Variants in TRPM7 observed in about 807,000 individuals in gnomAD.
TRPM7 encodes the protein transient receptor potential cation channel subfamily M member 7.
A neutral mutation model predicts 229.7 loss-of-function variants in TRPM7; 134 were observed. The ratio of observed to expected loss-of-function variants is 0.58; its 90% CI spans 0.51 to 0.67. The LOEUF (loss-of-function observed/expected upper bound fraction) is 0.67. TRPM7 is among the 30% of genes least tolerant of loss of function. The pLI, the probability that TRPM7 is intolerant of heterozygous loss-of-function variation, is 0.00. For missense variants in TRPM7, 1,901 were observed against 2,210.0 expected (o/e 0.86, Z 2.80); for synonymous variants, 699 against 715.2 (o/e 0.98, Z 0.36).
At chr15:50,607,087 A>T in intron 20 of TRPM7, 113 bp downstream of exon 20, 1 of 909,546 alleles carries the variant, frequency 1.1e-6, no homozygotes. Context: ...CTACACTTCT[A>T]CAATGTCATC....
intron 31 of TRPM7, 108 bp downstream of exon 31, chr15:50,578,531 T>C (rs922778949): frequency 9.0e-7 from 1 of 1,109,950 alleles, no homozygotes; most frequent in Non-Finnish European, 1.3e-6. Context: ...CCTTGGCTTT[T>C]TCTAGCTTGA....
rs2061168155 is a variant in TRPM7 at position 50,643,545 on chromosome 15, C to T, written c.330G>A (p.Arg110=). The change falls in exon 5 of 39, where the codon AGG becomes AGA. Residue 110 remains arginine, a synonymous_variant. Transcript: ENST00000646667. ...GSHSYRAKYV[R]LSYDTKPEVI... is the part of the protein sequence containing the mutation. ...CTTCAGGTTTGGTGTCATATGATAG[C>T]CTCACATACTAGAAAAAGATTTTAA... 6.2e-7 allele frequency: 1 copy of T among 1,612,668 alleles called. No individual in the cohort carries two copies.
At chr15:50,682,326 A>G (rs904796440) in intron 1 of TRPM7, among the ~76,000 whole-genome samples, 1 of 151,970 alleles carries the variant, frequency 6.6e-6, no homozygotes, top group African/African-American at 2.4e-5. Context: ...CTAAATACAC[A>G]GTCCCAGAAA....
At chr15:50,679,355 T>C (rs2140979500) in intron 1 of TRPM7, among the ~76,000 whole-genome samples, 1 of 149,540 alleles carries the variant, frequency 6.7e-6, no homozygotes, top group East Asian at 1.9e-4. Context: ...AACAGAAAAC[T>C]TGGACGCTTG....
intron 19 of TRPM7, 138 bp from the exon 20 acceptor site, chr15:50,607,466 A>T (rs1230154619): frequency 2.0e-5 from 14 of 687,552 alleles, no homozygotes; most frequent in Non-Finnish European, 3.3e-5. Context: ...TTATTAAAAC[A>T]ATTTTAGAAA....
chr15:50,567,974 G>C (rs1375718236), intron 38 of TRPM7, among the ~76,000 whole-genome samples: 4 of 151,750 alleles, frequency 2.6e-5, no homozygotes, highest in Non-Finnish European at 4.4e-5. Flanking sequence ...AGCTACTCGG[G>C]AGGCTGAGGC....
intron 3 of TRPM7, among the ~76,000 whole-genome samples, chr15:50,656,159 T>A (rs536171435): frequency 6.6e-6 from 1 of 151,580 alleles, no homozygotes; most frequent in South Asian, 2.1e-4. Context: ...AGCTGCACTA[T>A]ATGAAATGCT....
At chr15:50,625,910 G>T (rs12442787) in intron 11 of TRPM7, among the ~76,000 whole-genome samples, 53,156 of 150,656 alleles carry the variant, frequency 0.35, 10,494 homozygotes, top group Admixed American at 0.48. Context: ...TCATGGCATC[G>T]TACTATTTTA....
In TRPM7 at chr15:50,605,179, C is replaced by T. The variant is rs188644844; in HGVS notation, c.2710-35G>A. On this transcript the variant is annotated intron_variant, in intron 20 of 38. Coordinates refer to ENST00000646667, the MANE Select transcript of TRPM7 (RefSeq NM_017672.6). ...TAACAACAACAAAAAAAAGTGTAAT[C>T]AGTTTATTCCTATTAAAACACATAC... is the stretch of plus-strand genomic sequence containing the variant. 3,757 of 1,513,122 alleles carry T rather than the reference C, an allele frequency of 2.5e-3. 9 individuals carry two copies. Among genetic ancestry groups the T allele is most frequent in the Admixed American group, 3.4e-3 (159 of 46,390 alleles). 93.7% of individuals were successfully genotyped at this position (1,513,122 alleles called of 1,614,324 possible). A position where few individuals can be genotyped will look rare whatever the true frequency, so the allele number is the denominator to read the frequency against.
chr15:50,670,059 T>C, intron 1 of TRPM7, among the ~76,000 whole-genome samples: 1 of 152,304 alleles, frequency 6.6e-6, no homozygotes, highest in Middle Eastern at 3.4e-3. Context: ...GTCAGAACTC[T>C]GAGTTATGGA....
intron 25 of TRPM7, among the ~76,000 whole-genome samples, chr15:50,592,888 A>G (rs1290541933): frequency 6.6e-6 from 1 of 152,224 alleles, no homozygotes; most frequent in East Asian, 1.9e-4. Context: ...ACATCAAAGT[A>G]ACACAAAATA....
At chr15:50,591,114 C>T (rs1252249973) in intron 26 of TRPM7, among the ~76,000 whole-genome samples, 2 of 152,014 alleles carry the variant, frequency 1.3e-5, no homozygotes, top group South Asian at 2.1e-4. Flanking sequence ...TAAGTCATTC[C>T]TTTTTGAAAT....
intron 9 of TRPM7, among the ~76,000 whole-genome samples, chr15:50,632,181 T>C (rs1393359815): frequency 6.6e-6 from 1 of 151,864 alleles, no homozygotes; most frequent in East Asian, 1.9e-4. Context: ...CGTATGCCTG[T>C]AGTCGGGAGG....
At chr15:50,574,533 T>C in intron 35 of TRPM7, 54 bp from the exon 36 acceptor site, 1 of 1,563,052 alleles carries the variant, frequency 6.4e-7, no homozygotes, top group Non-Finnish European at 8.7e-7. Flanking sequence ...AAAATTCTAA[T>C]TGATCTACAA....
intron 1 of TRPM7, among the ~76,000 whole-genome samples, chr15:50,684,958 T>A (rs1337300762): frequency 1.3e-5 from 2 of 152,244 alleles, no homozygotes; most frequent in Admixed American, 1.3e-4. Flanking sequence ...TTTTTAGGCA[T>A]GATAATAATA....
chr15:50,624,202 G>A lies in TRPM7; in HGVS notation c.1404C>T (p.Phe468=). The change falls in exon 12 of 39, where the codon TTC becomes TTT. Residue 468 remains phenylalanine (F), a synonymous_variant. Transcript: ENST00000646667. ...LIENGVSMHK[F]LTIPRLEELY... The stretch of plus-strand genomic sequence containing the variant: ...GTTCTTCCAGTCTCGGAATGGTAAG[G>A]AATTTATGCATGCTTACTCCATTTT... 6.2e-7 allele frequency: 1 copy of A among 1,611,886 alleles called. No individual in the cohort carries two copies. The highest frequency in any genetic ancestry group is 8.5e-7 in the Non-Finnish European group (1 of 1,179,114).
At chr15:50,680,890 T>C (rs2062227201) in intron 1 of TRPM7, among the ~76,000 whole-genome samples, 1 of 152,188 alleles carries the variant, frequency 6.6e-6, no homozygotes, top group East Asian at 1.9e-4. Context: ...TGATTTTTGA[T>C]TCTCTGCTCT....
At chr15:50,614,696 A>G (rs1485669528) in intron 13 of TRPM7, among the ~76,000 whole-genome samples, 3 of 149,410 alleles carry the variant, frequency 2.0e-5, no homozygotes, top group Non-Finnish European at 4.4e-5. Context: ...AAAAAGCAGC[A>G]GCAAGGGTTG....
intron 1 of TRPM7, among the ~76,000 whole-genome samples, chr15:50,684,223 G>A (rs995105967): frequency 6.7e-6 from 1 of 150,300 alleles, no homozygotes; most frequent in Non-Finnish European, 1.5e-5. Flanking sequence ...CAGGATCTCC[G>A]CTTACTGCAA....
Sources: gnomAD v4.1 joint callset for allele counts (sites outside exome capture counted in the v4.1 genomes callset) on GRCh38, gnomAD v4.1.1 for gene constraint, MANE v1.5 for transcripts, NCBI Gene and HGNC (gene_info 2026-07-23, HGNC 2026-07-21) for gene names.